Variants in PRKAR1B observed in about 807,000 individuals in gnomAD.
The protein encoded by PRKAR1B is protein kinase cAMP-dependent type I regulatory subunit beta, also known as cAMP-dependent protein kinase type I-beta regulatory subunit.
PRKAR1B carries 22 observed loss-of-function variants against 46.5 expected under a neutral mutation model. The observed-to-expected ratio is 0.47, with a 90% CI of 0.34 to 0.68. The LOEUF (loss-of-function observed/expected upper bound fraction) is 0.68. Ranked by LOEUF, PRKAR1B falls within the 30% of genes least tolerant of loss-of-function variation. The pLI is 0.01. For synonymous variants in PRKAR1B, 259 were observed against 217.7 expected (o/e 1.19, Z -1.67); for missense variants, 445 against 535.6 (o/e 0.83, Z 1.67).
intron 2 of PRKAR1B, among the ~76,000 whole-genome samples, chr7:710,121 G>A (rs2128528110): frequency 6.6e-6 from 1 of 152,252 alleles, no homozygotes; most frequent in Middle Eastern, 3.4e-3. Context: ...ACTCCTTTGG[G>A]TTAGGACTAT....
In PRKAR1B at chr7:602,239, C is replaced by T. The variant is rs1014657560; in HGVS notation, c.549+3954G>A. 2.0e-5 allele frequency among the ~76,000 whole-genome samples: 3 copies of T among 152,044 alleles called. No homozygotes were observed. The highest frequency in any genetic ancestry group is 7.2e-5 in the African/African-American group (3 of 41,410). On this transcript the variant is annotated intron_variant, in intron 6 of 10. Coordinates refer to ENST00000537384, the MANE Select transcript of PRKAR1B (RefSeq NM_001164760.2). The surrounding 1 kb of genome is among the most constrained non-coding windows in gnomAD (Gnocchi z 6.4). ...GCTTTGAAGTGGCTCCGGCACCGGCCTCTCCCACCACCCTGTCATGTATGA... is the reference window on the plus strand; with the variant it reads ...GCTTTGAAGTGGCTCCGGCACCGGCTTCTCCCACCACCCTGTCATGTATGA...
rs929434620 is a variant in PRKAR1B, at chr7:596,057, G to A, written c.708+89C>T. 4 of 1,494,122 alleles carry A rather than the reference G, an allele frequency of 2.7e-6. No homozygotes were observed. In the Admixed American group the frequency reaches 5.9e-5, roughly 22 times the overall value. 92.6% of individuals were successfully genotyped at this position (1,494,122 alleles called of 1,614,324 possible). A position where few individuals can be genotyped will look rare whatever the true frequency, so the allele number is the denominator to read the frequency against. On this transcript the variant is annotated intron_variant, in intron 7 of 10. Coordinates refer to ENST00000537384, the MANE Select transcript of PRKAR1B (RefSeq NM_001164760.2). Reference sequence around the variant, plus strand: ...GGTTGGAAGTGTCTTTTCTCCAGGTGCATCCCCACCTTGAATAGAGCTAGG... The same window carrying A: ...GGTTGGAAGTGTCTTTTCTCCAGGTACATCCCCACCTTGAATAGAGCTAGG...
At chr7:625,009 G>T (rs556832322) in intron 4 of PRKAR1B, among the ~76,000 whole-genome samples, 1 of 152,160 alleles carries the variant, frequency 6.6e-6, no homozygotes, top group Non-Finnish European at 1.5e-5. Context: ...AAACATTCTG[G>T]GCCATAAAAT....
In PRKAR1B at chr7:596,323, A is replaced by G. The variant is rs374174123; in HGVS notation, c.550-19T>C. ...CGTACACCTTTGGGGAGCAAGAGAG[A>G]GAAGTGTCACGGGGGCCAGGCAGGG... On this transcript the variant is annotated intron_variant, in intron 6 of 10. Transcript: ENST00000537384. The G allele has an allele frequency of 6.9e-6, 11 of 1,596,282 alleles. No individual in the cohort carries two copies. Among genetic ancestry groups the G allele is most frequent in the East Asian group, 2.3e-5 (1 of 44,422 alleles).
rs1004327167 is a variant in PRKAR1B, at chr7:593,815, A to T, written c.708+2331T>A. Among the ~76,000 whole-genome samples, 11 of 152,160 alleles carry T rather than the reference A, an allele frequency of 7.2e-5. No homozygotes were observed. The highest frequency in any genetic ancestry group is 2.7e-4 in the African/African-American group (11 of 41,466). ...ACTGGAGTATCCCCAGCAGCACAGG[A>T]GCCCCAGACCCAGGGTGGGCACCCC... On this transcript the variant is annotated intron_variant, in intron 7 of 10. Transcript: ENST00000537384. The surrounding 1 kb of genome is among the most constrained non-coding windows in gnomAD (Gnocchi z 6.1).
At chr7:697,809 A>G (rs1160294795) in intron 2 of PRKAR1B, among the ~76,000 whole-genome samples, 1 of 149,190 alleles carries the variant, frequency 6.7e-6, no homozygotes, top group Non-Finnish European at 1.5e-5. Context: ...GTCTTCAATC[A>G]TTTACTGAGC....
intron 9 of PRKAR1B, among the ~76,000 whole-genome samples, chr7:562,694 C>G (rs1291933373): frequency 6.6e-6 from 1 of 152,246 alleles, no homozygotes; most frequent in Non-Finnish European, 1.5e-5. Flanking sequence ...CTGTCACACA[C>G]AGATCACAAC....
intron 5 of PRKAR1B, among the ~76,000 whole-genome samples, chr7:606,500 C>G (rs191010818): frequency 3.9e-5 from 6 of 152,110 alleles, no homozygotes; most frequent in South Asian, 4.1e-4. Context: ...TTTTTTGAGA[C>G]GGAGTCAGGC....
chr7:609,103 C>T (rs1782324998), intron 4 of PRKAR1B, among the ~76,000 whole-genome samples: 1 of 152,126 alleles, frequency 6.6e-6, no homozygotes, highest in Non-Finnish European at 1.5e-5. Context: ...CCACTCTCCG[C>T]CCATGGGTGG....
Position 714,888 on chromosome 7 carries a change from A to G in PRKAR1B, c.-22-3361T>C, listed in dbSNP as rs1247866385. On this transcript the variant is annotated intron_variant, in intron 1 of 10. Transcript: ENST00000537384. The surrounding 1 kb of genome is among the most constrained non-coding windows in gnomAD (Gnocchi z 4.3). ...GTATCTGGACTTCCCAATTATGTTC[A>G]TCAATAAATACCTTTGGCCGGATGC... Among the ~76,000 whole-genome samples the G allele has an allele frequency of 5.9e-5, 9 of 152,216 alleles. 1 individual carries two copies. Among genetic ancestry groups the G allele is most frequent in the South Asian group, 2.1e-4 (1 of 4,826 alleles).
At chr7:710,322 G>A (rs1189196089) in intron 2 of PRKAR1B, among the ~76,000 whole-genome samples, 10 of 152,198 alleles carry the variant, frequency 6.6e-5, no homozygotes, top group African/African-American at 1.7e-4. Flanking sequence ...TAGGTGATAC[G>A]CAGACAGCCT....
chr7:710,790 G>A (rs1205833676), intron 2 of PRKAR1B, among the ~76,000 whole-genome samples: 1 of 151,846 alleles, frequency 6.6e-6, no homozygotes, highest in Non-Finnish European at 1.5e-5. Flanking sequence ...GATTACAGGC[G>A]CCGCCACCAC....
intron 4 of PRKAR1B, among the ~76,000 whole-genome samples, chr7:675,399 G>A (rs756880098): frequency 7.9e-5 from 12 of 152,200 alleles, no homozygotes; most frequent in Admixed American, 1.3e-4. Context: ...GTTGCCCTCC[G>A]GGAGGGGGAG....
chr7:612,092 T>C (rs1180748076), intron 4 of PRKAR1B, among the ~76,000 whole-genome samples: 2 of 147,494 alleles, frequency 1.4e-5, no homozygotes, highest in African/African-American at 2.5e-5. Flanking sequence ...GGTGGGTGGA[T>C]GAACAGGTGT....
intron 4 of PRKAR1B, among the ~76,000 whole-genome samples, chr7:642,446 C>G (rs1784433408): frequency 6.6e-6 from 1 of 152,206 alleles, no homozygotes; most frequent in South Asian, 2.1e-4. Flanking sequence ...ACAAACTCGG[C>G]CGGGCGCGGT....
At chr7:603,656 A>C (rs1297022761) in intron 6 of PRKAR1B, among the ~76,000 whole-genome samples, 1 of 132,004 alleles carries the variant, frequency 7.6e-6, no homozygotes, top group South Asian at 2.4e-4. Context: ...CAGAGTGGAG[A>C]GGGCAGGGGA....
chr7:710,622 A>G (rs1207865763), intron 2 of PRKAR1B, among the ~76,000 whole-genome samples: 3 of 149,952 alleles, frequency 2.0e-5, no homozygotes, highest in Non-Finnish European at 4.4e-5. Flanking sequence ...CACCTTAGCC[A>G]TGGGAGCTAT....
chr7:571,142 GCCA>G (rs1312146786), intron 9 of PRKAR1B, among the ~76,000 whole-genome samples: 3 of 152,174 alleles, frequency 2.0e-5, no homozygotes, highest in African/African-American at 4.8e-5. Flanking sequence ...AACTGAAAGG[GCCA>G]CCACAAGTAA....
chr7:707,662 G>A (rs1780399792), intron 2 of PRKAR1B, among the ~76,000 whole-genome samples: 1 of 152,178 alleles, frequency 6.6e-6, no homozygotes, highest in South Asian at 2.1e-4. Flanking sequence ...CTTGGTCCAG[G>A]ATGACTAGTG....
Sources: allele counts gnomAD v4.1 joint callset (sites outside exome capture counted in the v4.1 genomes callset), GRCh38; gene constraint gnomAD v4.1.1; non-coding constraint Gnocchi (gnomAD v3.1); transcripts MANE v1.5; gene names NCBI Gene and HGNC (gene_info 2026-07-23, HGNC 2026-07-21).